Variants in PTPN14 observed in about 807,000 individuals in gnomAD.
The protein encoded by PTPN14 is tyrosine-protein phosphatase non-receptor type 14.
A neutral mutation model predicts 126.8 loss-of-function variants in PTPN14; 53 were observed. The observed-to-expected ratio is 0.42, with a 90% CI of 0.34 to 0.53. The LOEUF (loss-of-function observed/expected upper bound fraction) is 0.53. PTPN14 is among the 20% of genes least tolerant of loss of function. The probability of loss-of-function intolerance (pLI) is 0.08; values close to 1 mark genes in which losing one functional copy is unlikely to be tolerated. For missense variants in PTPN14, 1,257 were observed against 1,552.9 expected (o/e 0.81, Z 3.20); for synonymous variants, 630 against 599.3 (o/e 1.05, Z -0.75).
chr1:214,526,466 C>A (rs536706763), intron 1 of PTPN14, among the ~76,000 whole-genome samples: 3 of 151,852 alleles, frequency 2.0e-5, no homozygotes, highest in African/African-American at 7.3e-5. Context: ...AAAATATACA[C>A]TCCAAGGAGA....
At position 214,353,072 on chromosome 1, in the gene PTPN14, T is replaced by G. The variant is rs532671115; in HGVS notation, c.*4850A>C. 1 of 152,158 alleles carries G rather than the reference T, an allele frequency of 6.6e-6. No homozygotes were observed. Among genetic ancestry groups the G allele is most frequent in the Non-Finnish European group, 1.5e-5 (1 of 68,038 alleles). 9.4% of individuals were successfully genotyped at this position (152,158 alleles called of 1,614,324 possible). A position where few individuals can be genotyped will look rare whatever the true frequency, so the allele number is the denominator to read the frequency against. The stretch of plus-strand genomic sequence containing the variant: ...GTGCTCCCTGGCACACATCCTAGAA[T>G]GCCCTGTACCCTCCATCCCCCCAAC... On this transcript the variant is annotated 3_prime_UTR_variant, in exon 19 of 19. Transcript: ENST00000366956.
chr1:214,540,966 A>G (rs779526916), intron 1 of PTPN14, among the ~76,000 whole-genome samples: 1 of 152,172 alleles, frequency 6.6e-6, no homozygotes, highest in Non-Finnish European at 1.5e-5. Context: ...TCTTACATCT[A>G]TTACTCATCA....
rs1205647994 is a variant in PTPN14, at chr1:214,539,117, G to A, written c.-155+12066C>T. On this transcript the variant is annotated intron_variant, in intron 1 of 18. Transcript: ENST00000366956. ...ACTTTAAATGTTTAATCATTTTAACGATCCAAGCCACTACATGGTCTAAAT... is the reference window on the plus strand; with the variant it reads ...ACTTTAAATGTTTAATCATTTTAACAATCCAAGCCACTACATGGTCTAAAT... 3.3e-5 allele frequency among the ~76,000 whole-genome samples: 5 copies of A among 152,034 alleles called. No individual in the cohort carries two copies. The South Asian group carries it at 1.0e-3, about 32-fold the overall frequency.
At chr1:214,467,900 G>T (rs557150554) in intron 1 of PTPN14, among the ~76,000 whole-genome samples, 4 of 152,134 alleles carry the variant, frequency 2.6e-5, no homozygotes, top group African/African-American at 9.7e-5. Flanking sequence ...AAGAAAATTG[G>T]TCTGGTCCTT....
At position 214,352,309 on chromosome 1, in the gene PTPN14, G is replaced by GA. The variant is rs1405110732; in HGVS notation, c.*5612dup. ...AAAGAAGATGCAGCTATATTAAGCT[G>GA]AAAAGATAAGAAAGGTAGTCTACTG... On this transcript the variant is annotated 3_prime_UTR_variant, in exon 19 of 19. Coordinates refer to ENST00000366956, the MANE Select transcript of PTPN14 (RefSeq NM_005401.5). 2 of 152,184 alleles carry GA rather than the reference G, an allele frequency of 1.3e-5. No homozygotes were observed. The highest frequency in any genetic ancestry group is 2.9e-5 in the Non-Finnish European group (2 of 68,030). 9.4% of individuals were successfully genotyped at this position (152,184 alleles called of 1,614,324 possible).
At chr1:214,367,862 A>G (rs1168378532) in intron 17 of PTPN14, among the ~76,000 whole-genome samples, 1 of 152,234 alleles carries the variant, frequency 6.6e-6, no homozygotes, top group East Asian at 1.9e-4. Flanking sequence ...GACTGAACTC[A>G]GTGTCATCTC....
At chr1:214,520,430 T>C (rs1207480913) in intron 1 of PTPN14, among the ~76,000 whole-genome samples, 6 of 152,142 alleles carry the variant, frequency 3.9e-5, no homozygotes, top group East Asian at 3.9e-4. Flanking sequence ...ACACTAAGAA[T>C]GGTGGAACAG....
chr1:214,386,857 C>A lies in PTPN14; in HGVS notation c.1053G>T (p.Thr351=), dbSNP rs183838386. Residue 351 remains threonine, a synonymous_variant, in exon 12 of 19, where the codon ACG becomes ACT. Coordinates refer to ENST00000366956, the MANE Select transcript of PTPN14 (RefSeq NM_005401.5). ...HVQCGEHYSE[T]HTSQDSIFHG... ...AGCCAGAGTTACCTTGCGAGGTGTG[C>A]GTTTCCGAGTAGTGCTCACCACACT... The A allele has an allele frequency of 6.2e-7, 1 of 1,602,660 alleles. No individual in the cohort carries two copies. Among genetic ancestry groups the A allele is most frequent in the South Asian group, 1.1e-5 (1 of 90,542 alleles).
At chr1:214,541,157 T>G (rs1457041511) in intron 1 of PTPN14, among the ~76,000 whole-genome samples, 1 of 151,866 alleles carries the variant, frequency 6.6e-6, no homozygotes, top group East Asian at 1.9e-4. Context: ...TCCCTAATAA[T>G]AAAAAGGGAA....
rs373841120 is a variant in PTPN14, at chr1:214,373,246, G to A, written c.2908-407C>T. ...ATTTTTGTATTTTTGTAGAGATGGC[G>A]TTTCACCACATTGGCCAGGCTGGTC... On this transcript the variant is annotated intron_variant, in intron 15 of 18. Coordinates refer to ENST00000366956, the MANE Select transcript of PTPN14 (RefSeq NM_005401.5). Among the ~76,000 whole-genome samples, 145 of 152,176 alleles carry A rather than the reference G, an allele frequency of 9.5e-4. No individual in the cohort carries two copies. The South Asian group carries it at 0.024, about 25-fold the overall frequency.
In PTPN14 at chr1:214,530,657, C is replaced by T. The variant is rs75975291; in HGVS notation, c.-155+20526G>A. On this transcript the variant is annotated intron_variant, in intron 1 of 18. Transcript: ENST00000366956. ...ATGCCTGGCTCTATAATATATTTTA[C>T]ACCCTTAGCCTCAACTCTTCCAAAA... 3.9e-5 allele frequency: 6 copies of T among 152,292 alleles called. No individual in the cohort carries two copies. The East Asian group carries it at 9.6e-4, about 24-fold the overall frequency. The allele number at this position is 152,292 out of a possible 1,614,324, so 9.4% of individuals were successfully genotyped here. A position where few individuals can be genotyped will look rare whatever the true frequency, so the allele number is the denominator to read the frequency against.
intron 1 of PTPN14, among the ~76,000 whole-genome samples, chr1:214,475,076 G>T (rs976757776): frequency 2.0e-5 from 3 of 152,112 alleles, no homozygotes; most frequent in Non-Finnish European, 2.9e-5. Flanking sequence ...CTTGAAGGTG[G>T]GAGACAGGTA....
intron 1 of PTPN14, among the ~76,000 whole-genome samples, chr1:214,542,091 T>C (rs1287927150): frequency 6.6e-6 from 1 of 152,214 alleles, no homozygotes; most frequent in Non-Finnish European, 1.5e-5. Flanking sequence ...TATTTCCTTA[T>C]ACTTTTACTA....
chr1:214,379,460 TATCCTGGTGGCAGCCG>T (rs1002258805), intron 13 of PTPN14, among the ~76,000 whole-genome samples: 51 of 152,298 alleles, frequency 3.3e-4, no homozygotes, highest in African/African-American at 1.2e-3. Flanking sequence ...ACAGGATGCC[TATCCTGGTGGCAGCCG>T]ACTCATCAGA....
rs116573986 is a variant in PTPN14 at position 214,501,594 on chromosome 1, T to C, written c.-154-36637A>G. 2.0e-3 allele frequency among the ~76,000 whole-genome samples: 298 copies of C among 152,200 alleles called. 2 individuals are homozygous for C. Among genetic ancestry groups the C allele is most frequent in the African/African-American group, 6.6e-3 (274 of 41,504 alleles). ...ATTAGGCTATAAATTCCTTCAGAGGTAACCCTATGCCTCTCTTTTTCCTGT... is the reference window on the plus strand; with the variant it reads ...ATTAGGCTATAAATTCCTTCAGAGGCAACCCTATGCCTCTCTTTTTCCTGT... On this transcript the variant is annotated intron_variant, in intron 1 of 18. Coordinates refer to ENST00000366956, the MANE Select transcript of PTPN14 (RefSeq NM_005401.5).
chr1:214,391,140 T>A (rs763562196), intron 10 of PTPN14, 95 bp from the exon 11 acceptor site: 3 of 808,112 alleles, frequency 3.7e-6, no homozygotes, highest in Non-Finnish European at 5.3e-6. Flanking sequence ...TAAACAAGAC[T>A]GGTAATCGTT....
At chr1:214,419,308 C>T (rs1024669251) in intron 3 of PTPN14, among the ~76,000 whole-genome samples, 6 of 152,172 alleles carry the variant, frequency 3.9e-5, no homozygotes, top group African/African-American at 1.2e-4. Flanking sequence ...GCTCTTCCCT[C>T]CTCTAGAGTT....
chr1:214,468,298 G>A (rs1017442988), intron 1 of PTPN14, among the ~76,000 whole-genome samples: 4 of 152,144 alleles, frequency 2.6e-5, no homozygotes, highest in Non-Finnish European at 5.9e-5. Context: ...GCTCACGCCC[G>A]TAATCCTAGC....
At chr1:214,401,333 A>G (rs1659011096) in intron 7 of PTPN14, among the ~76,000 whole-genome samples, 1 of 152,254 alleles carries the variant, frequency 6.6e-6, no homozygotes, top group South Asian at 2.1e-4. Context: ...AAAGAGAATA[A>G]GAAAACTACT....
Sources: allele counts gnomAD v4.1 joint callset (sites outside exome capture counted in the v4.1 genomes callset), GRCh38; gene constraint gnomAD v4.1.1; transcripts MANE v1.5; gene names NCBI Gene and HGNC (gene_info 2026-07-23, HGNC 2026-07-21).